Variants in MYOM2 observed in about 807,000 individuals in gnomAD.
MYOM2 encodes the protein myomesin 2, also known as myomesin-2.
MYOM2 carries 254 observed loss-of-function variants against 187.6 expected under a neutral mutation model. The ratio of observed to expected loss-of-function variants is 1.35; its 90% CI spans 1.22 to 1.50. The LOEUF is 1.50. Among genes scored for constraint, MYOM2 ranks in the 40% most tolerant of loss-of-function variants. The probability of loss-of-function intolerance (pLI) is 0.00; values close to 1 mark genes in which losing one functional copy is unlikely to be tolerated. For synonymous variants in MYOM2, 981 were observed against 753.8 expected (o/e 1.30, Z -4.94); for missense variants, 2,796 against 1,924.0 (o/e 1.45, Z -8.48).
Position 2,092,898 on chromosome 8 carries a change from G to A in MYOM2, c.2003+378G>A, listed in dbSNP as rs186588388. On this transcript the variant is annotated intron_variant, in intron 16 of 36. Coordinates refer to ENST00000262113, the MANE Select transcript of MYOM2 (RefSeq NM_003970.4). ...TGAACTTGAAAGTTGCTTTGTTCATGTGCCTGGTAGTTCTATTCCCCAGCA... is the reference window on the plus strand; with the variant it reads ...TGAACTTGAAAGTTGCTTTGTTCATATGCCTGGTAGTTCTATTCCCCAGCA... 1.1e-4 allele frequency among the ~76,000 whole-genome samples: 16 copies of A among 151,998 alleles called. No homozygotes were observed. The East Asian group carries it at 2.9e-3, about 28-fold the overall frequency.
At chr8:2,058,821 A>G (rs1421606500) in intron 5 of MYOM2, among the ~76,000 whole-genome samples, 1 of 152,204 alleles carries the variant, frequency 6.6e-6, no homozygotes, top group Non-Finnish European at 1.5e-5. Flanking sequence ...CACTAGCTAC[A>G]CTGCAGCTTA....
At chr8:2,056,888 C>A (rs746630151) in intron 3 of MYOM2, among the ~76,000 whole-genome samples, 1 of 152,204 alleles carries the variant, frequency 6.6e-6, no homozygotes, top group Non-Finnish European at 1.5e-5. Flanking sequence ...CCTGTCTTTA[C>A]TGAGCACCTG....
At chr8:2,111,709 C>T (rs967702848) in intron 25 of MYOM2, among the ~76,000 whole-genome samples, 15 of 152,160 alleles carry the variant, frequency 9.9e-5, no homozygotes, top group African/African-American at 2.9e-4. Flanking sequence ...TCTCCAGGGA[C>T]GGGGACAAAG....
chr8:2,131,231 A>G (rs1479582148), intron 32 of MYOM2, among the ~76,000 whole-genome samples: 1 of 152,184 alleles, frequency 6.6e-6, no homozygotes, highest in Non-Finnish European at 1.5e-5. Context: ...TACACGTTCA[A>G]CACATGTTAT....
rs1402371112 is a variant in MYOM2, at chr8:2,085,549, T to A, written c.1644+159T>A. Among the ~76,000 whole-genome samples the A allele has an allele frequency of 3.5e-4, 12 of 34,722 alleles. 1 individual carries two copies. Among genetic ancestry groups the A allele is most frequent in the African/African-American group, 1.7e-3 (7 of 4,204 alleles). The allele number at this position is 34,722 out of a possible 152,430, so 22.8% of individuals were successfully genotyped here. On this transcript the variant is annotated intron_variant, in intron 14 of 36. Coordinates refer to ENST00000262113, the MANE Select transcript of MYOM2 (RefSeq NM_003970.4). ...TGTTGTGATCTCTGCGTGGCCCCAC[T>A]GTCATGATCTCTGCGTGGCCCCACT... is the stretch of plus-strand genomic sequence containing the variant.
intron 6 of MYOM2, among the ~76,000 whole-genome samples, chr8:2,067,952 G>A (rs911011517): frequency 1.3e-5 from 2 of 152,098 alleles, no homozygotes; most frequent in Admixed American, 1.3e-4. Context: ...TTTTGGAACA[G>A]GGAGTTTGTC....
chr8:2,091,696 G>C (rs1293162358), intron 15 of MYOM2, among the ~76,000 whole-genome samples: 1 of 152,228 alleles, frequency 6.6e-6, no homozygotes, highest in Non-Finnish European at 1.5e-5. Flanking sequence ...CTCATACCCA[G>C]AACCACAGGC....
At chr8:2,132,742 A>T (rs1319108615) in intron 32 of MYOM2, among the ~76,000 whole-genome samples, 1 of 152,184 alleles carries the variant, frequency 6.6e-6, no homozygotes, top group Non-Finnish European at 1.5e-5. Context: ...TATGGCATAC[A>T]AAGAAGTGCA....
At chr8:2,069,147 T>C in intron 6 of MYOM2, 131 bp from the exon 7 acceptor site, 1 of 824,238 alleles carries the variant, frequency 1.2e-6, no homozygotes, top group South Asian at 1.8e-5. Flanking sequence ...GGCATTGTTC[T>C]TGCACAAATC....
At position 2,050,808 on chromosome 8, in the gene MYOM2, G is replaced by T. The variant is rs757604640; in HGVS notation, c.42G>T (p.Arg14Ser). The change falls in exon 2 of 37, where the codon AGG (arginine) becomes AGT (serine). Residue 14 changes from arginine to serine, a missense_variant. Arg to Ser is a moderately radical substitution (Grantham distance 110, BLOSUM62 -1). Transcript: ENST00000262113. ...TCCCCTTCTACCAGAAGAGACATAGGCACTTCGACCAGTCCTACCGTAATA... is the reference window on the plus strand; with the variant it reads ...TCCCCTTCTACCAGAAGAGACATAGTCACTTCGACCAGTCCTACCGTAATA... ...VTVPFYQKRH[R>S]HFDQSYRNIQ... The T allele has an allele frequency of 1.9e-6, 3 of 1,613,574 alleles. No individual in the cohort carries two copies. In the African/African-American group the frequency reaches 4.0e-5, roughly 21 times the overall value.
chr8:2,099,367 G>A (rs925535120), intron 19 of MYOM2, among the ~76,000 whole-genome samples: 13 of 152,164 alleles, frequency 8.5e-5, no homozygotes, highest in African/African-American at 2.9e-4. Context: ...TGGAGGAGAA[G>A]GTGCGAGCCC....
intron 28 of MYOM2, 95 bp from the exon 29 acceptor site, chr8:2,123,157 A>C: frequency 1.3e-6 from 1 of 765,250 alleles, no homozygotes; most frequent in South Asian, 2.2e-5. Context: ...AGGTTTTTTG[A>C]GGGGGGGGCT....
intron 2 of MYOM2, among the ~76,000 whole-genome samples, chr8:2,051,715 A>G (rs1818495469): frequency 6.6e-6 from 1 of 152,162 alleles, no homozygotes; most frequent in Non-Finnish European, 1.5e-5. Context: ...CTCTGAAGGG[A>G]GGTGGCACCA....
At chr8:2,083,860 C>G (rs572193418) in intron 13 of MYOM2, among the ~76,000 whole-genome samples, 1 of 152,194 alleles carries the variant, frequency 6.6e-6, no homozygotes, top group South Asian at 2.1e-4. Context: ...GTTCTTCCTT[C>G]TCACCTTGTC....
chr8:2,101,568 C>G (rs919206983), intron 20 of MYOM2, among the ~76,000 whole-genome samples: 2 of 152,138 alleles, frequency 1.3e-5, no homozygotes, highest in Admixed American at 1.3e-4. Flanking sequence ...CAGAACAGTG[C>G]CTTGAGGACG....
chr8:2,090,222 A>G, intron 15 of MYOM2, 31 bp downstream of exon 15: 1 of 1,600,246 alleles, frequency 6.2e-7, no homozygotes, highest in Non-Finnish European at 8.5e-7. Flanking sequence ...GCCCCAAGTC[A>G]GGATGGACTA....
intron 17 of MYOM2, among the ~76,000 whole-genome samples, chr8:2,094,454 C>G (rs563517281): frequency 5.3e-5 from 8 of 152,110 alleles, no homozygotes; most frequent in Non-Finnish European, 1.2e-4. Flanking sequence ...GAGATTGAGA[C>G]CATCCTGGCC....
chr8:2,052,436 C>A, intron 3 of MYOM2, 123 bp downstream of exon 3: 1 of 1,067,172 alleles, frequency 9.4e-7, no homozygotes, highest in Non-Finnish European at 1.3e-6. Flanking sequence ...CAGGCCATGC[C>A]TGGGGTGAGA....
intron 2 of MYOM2, among the ~76,000 whole-genome samples, chr8:2,051,687 G>A (rs1165482041): frequency 2.6e-5 from 4 of 152,218 alleles, no homozygotes; most frequent in Non-Finnish European, 5.9e-5. Flanking sequence ...CAGAAAGACT[G>A]TGGCCGGCAC....
Sources: allele counts gnomAD v4.1 joint callset (sites outside exome capture counted in the v4.1 genomes callset), GRCh38; gene constraint gnomAD v4.1.1; transcripts MANE v1.5; gene names NCBI Gene and HGNC (gene_info 2026-07-23, HGNC 2026-07-21).